The following RNF38 variants were observed in gnomAD, a reference collection of about 807,000 sequenced individuals.
RNF38 encodes the protein ring finger protein 38, also known as E3 ubiquitin-protein ligase RNF38.
Under a neutral mutation model 67.2 loss-of-function variants are expected in RNF38, and 15 were observed. The observed-to-expected ratio is 0.22, with a 90% confidence interval of 0.15 to 0.34. The LOEUF (loss-of-function observed/expected upper bound fraction) is 0.34, where lower values mean the gene tolerates loss of function less well. RNF38 is among the 10% of genes least tolerant of loss of function. The pLI is 1.00. For missense variants in RNF38, 524 were observed against 639.9 expected (o/e 0.82, Z 1.95); for synonymous variants, 220 against 218.8 (o/e 1.01, Z -0.05).
At chr9:36,352,442 T>G (rs1833767123) in intron 8 of RNF38, among the ~76,000 whole-genome samples, 1 of 152,158 alleles carries the variant, frequency 6.6e-6, no homozygotes, top group South Asian at 2.1e-4. Context: ...CACTAAAAGC[T>G]GAATAATCAA....
chr9:36,401,738 G>T (rs985600793), upstream of RNF38, among the ~76,000 whole-genome samples: 8 of 152,228 alleles, frequency 5.3e-5, no homozygotes, highest in Non-Finnish European at 8.8e-5. Flanking sequence ...AGAGAGGGCA[G>T]TCAAGAGGAC....
chr9:36,407,176 G>GA (rs1052658148), intron 2 of RNF38, among the ~76,000 whole-genome samples: 1 of 152,200 alleles, frequency 6.6e-6, no homozygotes, highest in Non-Finnish European at 1.5e-5. Flanking sequence ...AATCAAAGTA[G>GA]AAAAAGTTAA....
intron 6 of RNF38, among the ~76,000 whole-genome samples, chr9:36,353,957 G>A (rs1391785395): frequency 6.6e-6 from 1 of 152,040 alleles, no homozygotes; most frequent in African/African-American, 2.4e-5. Flanking sequence ...GAAACAAGAG[G>A]GAGGCTCTGT....
chr9:36,430,122 G>A (rs959510304), intron 1 of RNF38, among the ~76,000 whole-genome samples: 7 of 152,100 alleles, frequency 4.6e-5, no homozygotes, highest in African/African-American at 1.4e-4. Context: ...TTTATCAAGA[G>A]GATGGTCACT....
At chr9:36,459,921 T>A (rs1194647759) in intron 1 of RNF38, among the ~76,000 whole-genome samples, 4 of 152,010 alleles carry the variant, frequency 2.6e-5, no homozygotes, top group Admixed American at 2.6e-4. Flanking sequence ...TGTTGTATTT[T>A]ACACCTATGC....
chr9:36,451,424 C>T (rs1295801993), intron 1 of RNF38, among the ~76,000 whole-genome samples: 2 of 150,844 alleles, frequency 1.3e-5, no homozygotes, highest in African/African-American at 4.9e-5. Context: ...CGAGATGGCA[C>T]CACTGCACTC....
rs377374960 is a variant in RNF38, at chr9:36,397,543, T to C, written c.12+2554A>G. On this transcript the variant is annotated intron_variant, in intron 1 of 11. Coordinates refer to ENST00000259605, the MANE Select transcript of RNF38 (RefSeq NM_022781.5). The stretch of plus-strand genomic sequence containing the variant: ...TCTAAACAGAAATTATGGTTCCCAC[T>C]CTTGAGTTAGGCAAACAAACAGGAC... 7.4e-4 allele frequency among the ~76,000 whole-genome samples: 112 copies of C among 152,280 alleles called. 2 individuals are homozygous for C. In the South Asian group the frequency reaches 0.022, roughly 30 times the overall value.
At chr9:36,373,954 G>A (rs1361660515) in intron 3 of RNF38, among the ~76,000 whole-genome samples, 1 of 152,166 alleles carries the variant, frequency 6.6e-6, no homozygotes, top group Non-Finnish European at 1.5e-5. Flanking sequence ...GCCTCCCAAA[G>A]TGCTGGGATT....
chr9:36,383,913 G>A (rs996518455), intron 2 of RNF38, among the ~76,000 whole-genome samples: 4 of 151,956 alleles, frequency 2.6e-5, no homozygotes, highest in Non-Finnish European at 5.9e-5. Context: ...ACACCATGAT[G>A]AATAGTAAAA....
Position 36,357,955 on chromosome 9 carries a change from A to G in RNF38, c.571-13T>C, listed in dbSNP as rs1587497057. On this transcript the variant is annotated splice_polypyrimidine_tract_variant and intron_variant, in intron 4 of 11. Transcript: ENST00000259605. ...TTCCTTGATGGAGCTTTAAAGGAAA[A>G]AACAAATGAACAAACTTTAGCTGTT... 4 of 1,603,526 alleles carry G rather than the reference A, an allele frequency of 2.5e-6. No individual in the cohort carries two copies. In the South Asian group the frequency reaches 4.4e-5, roughly 18 times the overall value.
At chr9:36,435,982 T>G (rs1162049004) in intron 1 of RNF38, among the ~76,000 whole-genome samples, 1 of 152,198 alleles carries the variant, frequency 6.6e-6, no homozygotes, top group Non-Finnish European at 1.5e-5. Context: ...TGCAACTCTT[T>G]TTGTATCCAT....
At chr9:36,471,038 G>A (rs539901333) in intron 1 of RNF38, among the ~76,000 whole-genome samples, 1 of 152,094 alleles carries the variant, frequency 6.6e-6, no homozygotes, top group Non-Finnish European at 1.5e-5. Context: ...CCTAAGAATT[G>A]TACTGTCTCA....
rs748363779 is a variant in RNF38, at chr9:36,339,719, A to T, written c.*33T>A. Reference sequence around the variant, plus strand: ...AGTCCGTATATACATGTGATGAGGAACACCCAAACTAAATTTGTGCTTCTT... The same window carrying T: ...AGTCCGTATATACATGTGATGAGGATCACCCAAACTAAATTTGTGCTTCTT... On this transcript the variant is annotated 3_prime_UTR_variant, in exon 12 of 12. Coordinates refer to ENST00000259605, the MANE Select transcript of RNF38 (RefSeq NM_022781.5). 65 of 1,566,844 alleles carry T rather than the reference A, an allele frequency of 4.1e-5. No homozygotes were observed. Among genetic ancestry groups the T allele is most frequent in the Non-Finnish European group, 3.8e-5 (43 of 1,139,900 alleles).
At chr9:36,357,335 T>G (rs1159706751) in intron 5 of RNF38, among the ~76,000 whole-genome samples, 1 of 152,200 alleles carries the variant, frequency 6.6e-6, no homozygotes, top group Non-Finnish European at 1.5e-5. Flanking sequence ...TTTCCTATAG[T>G]AAGGAATAAG....
chr9:36,472,145 C>G (rs576285887), intron 1 of RNF38, among the ~76,000 whole-genome samples: 1 of 152,284 alleles, frequency 6.6e-6, no homozygotes, highest in South Asian at 2.1e-4. Flanking sequence ...CAAAGACAGT[C>G]AACAATGTCT....
chr9:36,412,892 G>A (rs1402992150), intron 2 of RNF38, among the ~76,000 whole-genome samples: 1 of 152,212 alleles, frequency 6.6e-6, no homozygotes, highest in Non-Finnish European at 1.5e-5. Flanking sequence ...GACCAACATG[G>A]TGAAACCCTA....
intron 2 of RNF38, among the ~76,000 whole-genome samples, chr9:36,378,528 T>C (rs979112581): frequency 5.3e-5 from 8 of 152,148 alleles, no homozygotes; most frequent in African/African-American, 1.7e-4. Flanking sequence ...GATCATTAGC[T>C]TTTCATACAT....
chr9:36,443,356 A>C (rs79325378), intron 1 of RNF38, among the ~76,000 whole-genome samples: 57 of 152,320 alleles, frequency 3.7e-4, no homozygotes, highest in African/African-American at 1.4e-3. Context: ...GTTATAGGGA[A>C]AAATAGCATA....
At chr9:36,363,101 G>GT (rs1834693896) in intron 4 of RNF38, among the ~76,000 whole-genome samples, 1 of 99,176 alleles carries the variant, frequency 1.0e-5, no homozygotes, top group African/African-American at 3.0e-5. Context: ...ATCTACCTAT[G>GT]TATCTATCTA....
Sources: gnomAD v4.1 joint callset for allele counts (sites outside exome capture counted in the v4.1 genomes callset) on GRCh38, gnomAD v4.1.1 for gene constraint, MANE v1.5 for transcripts, NCBI Gene and HGNC (gene_info 2026-07-23, HGNC 2026-07-21) for gene names.